RPS6KC1: variants seen among roughly 807,000 people sequenced by gnomAD.
RPS6KC1 encodes inactive ribosomal protein S6 kinase delta-1.
Under a neutral mutation model 103.8 loss-of-function variants are expected in RPS6KC1, and 54 were observed. That is an observed-to-expected ratio of 0.52 (90% CI 0.42 to 0.65). RPS6KC1 has a LOEUF of 0.65. RPS6KC1 is among the 30% of genes least tolerant of loss of function. RPS6KC1 has a pLI of 0.00. For synonymous variants in RPS6KC1, 439 were observed against 438.7 expected, an observed-to-expected ratio of 1.00 and a Z score of -0.01; for missense variants, 1,151 against 1,253.8, an observed-to-expected ratio of 0.92 and a Z score of 1.24.
At chr1:213,182,806 TCA>T (rs1449566030) in intron 8 of RPS6KC1, among the ~76,000 whole-genome samples, 6 of 148,426 alleles carry the variant, frequency 4.0e-5, no homozygotes, top group African/African-American at 7.4e-5. Context: ...ATTTTATATA[TCA>T]CATGTTTGAA....
At chr1:213,716,344 C>A in the RPS6KC1 span, among the ~76,000 whole-genome samples, 2 of 152,074 alleles carry the variant, frequency 1.3e-5, no homozygotes, top group Non-Finnish European at 2.9e-5. Context: ...CTGAGAGAAG[C>A]TTTTCTGATG....
Position 213,051,480 on chromosome 1 carries a change from G to C in RPS6KC1, c.76G>C (p.Gly26Arg), listed in dbSNP as rs777998280. ...CACCGAGCCCCAGCGACACCCGAGG[G>C]GCTACACAGTATATAAGGTCACCGC... ...TVTEPQRHPR[G>R]YTVYKVTARV... Residue 26 changes from glycine (G) to arginine (R), a missense_variant, in exon 1 of 15, where the codon GGC becomes CGC. Transcript: ENST00000366960. 5 of 1,612,964 alleles carry C rather than the reference G, an allele frequency of 3.1e-6. No individual in the cohort carries two copies. The East Asian group carries it at 1.1e-4, about 36-fold the overall frequency.
chr1:213,712,840 T>C, the RPS6KC1 span, among the ~76,000 whole-genome samples: 5 of 152,096 alleles, frequency 3.3e-5, no homozygotes. Context: ...CTGTGGGCTG[T>C]ACCCACTGTC....
chr1:213,662,988 C>T, the RPS6KC1 span, among the ~76,000 whole-genome samples: 7 of 152,200 alleles, frequency 4.6e-5, no homozygotes, highest in African/African-American at 1.4e-4. Context: ...AGCCTGTCCA[C>T]CCTCGCTAAT....
chr1:213,333,768 CCTGCCTCCTGAAGCTATTCAGGAGCGA>C, the RPS6KC1 span, among the ~76,000 whole-genome samples: 1 of 152,250 alleles, frequency 6.6e-6, no homozygotes, highest in South Asian at 2.1e-4. Flanking sequence ...AAGCAATTCT[CCTGCCTCCTGAAGCTATTCAGGAGCGA>C]TTCAGCCTCC....
At chr1:213,625,282 T>G in the RPS6KC1 span, among the ~76,000 whole-genome samples, 1 of 152,264 alleles carries the variant, frequency 6.6e-6, no homozygotes, top group East Asian at 1.9e-4. Flanking sequence ...GTCCTGTTCC[T>G]GATTTATTGT....
chr1:213,587,581 T>TA, the RPS6KC1 span, among the ~76,000 whole-genome samples: 2 of 152,158 alleles, frequency 1.3e-5, no homozygotes, highest in Non-Finnish European at 1.5e-5. Flanking sequence ...GTTTGATACA[T>TA]AAAAAATGAA....
intron 5 of RPS6KC1, among the ~76,000 whole-genome samples, chr1:213,124,192 A>G (rs1227665747): frequency 1.3e-5 from 2 of 152,198 alleles, no homozygotes; most frequent in Admixed American, 1.3e-4. Context: ...GAACGCTTTC[A>G]TAGAACCTTT....
intron 5 of RPS6KC1, among the ~76,000 whole-genome samples, chr1:213,118,806 C>G (rs1487596893): frequency 6.6e-6 from 1 of 152,060 alleles, no homozygotes; most frequent in African/African-American, 2.4e-5. Flanking sequence ...TTCTCAGTAT[C>G]TTTGACTCCA....
chr1:213,583,425 G>A, the RPS6KC1 span, among the ~76,000 whole-genome samples: 4 of 152,170 alleles, frequency 2.6e-5, no homozygotes, highest in African/African-American at 9.7e-5. Context: ...CTACAGATTG[G>A]GAGTCTGCTT....
the RPS6KC1 span, among the ~76,000 whole-genome samples, chr1:213,724,244 C>T: frequency 2.0e-5 from 3 of 152,172 alleles, no homozygotes; most frequent in African/African-American, 7.2e-5. Context: ...TGTGCCACTG[C>T]ACCCGGCAAA....
At chr1:213,836,904 T>G in the RPS6KC1 span, among the ~76,000 whole-genome samples, 7 of 152,186 alleles carry the variant, frequency 4.6e-5, no homozygotes, top group Non-Finnish European at 1.0e-4. Flanking sequence ...AGCAACCTCT[T>G]TGGCTGAATA....
chr1:213,377,990 A>G, the RPS6KC1 span, among the ~76,000 whole-genome samples: 3 of 152,234 alleles, frequency 2.0e-5, no homozygotes, highest in South Asian at 2.1e-4. Flanking sequence ...GTAAAGAATA[A>G]TGCAAATAGC....
the RPS6KC1 span, among the ~76,000 whole-genome samples, chr1:213,587,544 T>C: frequency 6.6e-6 from 1 of 152,188 alleles, no homozygotes; most frequent in Non-Finnish European, 1.5e-5. Context: ...CCTAACCTAA[T>C]GCTTTGGATA....
At chr1:213,337,113 T>C in the RPS6KC1 span, among the ~76,000 whole-genome samples, 10,043 of 152,272 alleles carry the variant, frequency 0.066, 459 homozygotes, top group Middle Eastern at 0.11. Context: ...TCCAGTAATT[T>C]AATTTGTGTT....
At chr1:213,684,743 G>C in the RPS6KC1 span, among the ~76,000 whole-genome samples, 1 of 152,214 alleles carries the variant, frequency 6.6e-6, no homozygotes, top group Non-Finnish European at 1.5e-5. Flanking sequence ...TGCAATTGCA[G>C]GTCCTTTTGC....
the RPS6KC1 span, among the ~76,000 whole-genome samples, chr1:213,778,603 G>A: frequency 6.6e-6 from 1 of 151,832 alleles, no homozygotes; most frequent in Non-Finnish European, 1.5e-5. Context: ...TAGGTGAGAG[G>A]TAAACACAAA....
chr1:213,325,793 G>A, the RPS6KC1 span, among the ~76,000 whole-genome samples: 5 of 152,216 alleles, frequency 3.3e-5, no homozygotes, highest in Admixed American at 6.5e-5. Context: ...TTTGTGTCCT[G>A]CTCACAAACC....
At chr1:213,692,871 A>G in the RPS6KC1 span, among the ~76,000 whole-genome samples, 1 of 152,252 alleles carries the variant, frequency 6.6e-6, no homozygotes, top group Non-Finnish European at 1.5e-5. Context: ...GAGAGACAGT[A>G]TAACAACTGC....
Sources: gnomAD v4.1 joint callset for allele counts (sites outside exome capture counted in the v4.1 genomes callset) on GRCh38, gnomAD v4.1.1 for gene constraint, MANE v1.5 for transcripts, NCBI Gene and HGNC (gene_info 2026-07-23, HGNC 2026-07-21) for gene names.